Variants in CFAP61 observed in about 807,000 individuals in gnomAD.
CFAP61 encodes cilia and flagella associated protein 61, also known as cilia- and flagella-associated protein 61.
A neutral mutation model predicts 135.6 loss-of-function variants in CFAP61; 107 were observed. The ratio of observed to expected loss-of-function variants is 0.79; its 90% CI spans 0.67 to 0.93. The LOEUF (loss-of-function observed/expected upper bound fraction) is 0.93. CFAP61 is among the 40% of genes least tolerant of loss of function. The pLI, the probability that CFAP61 is intolerant of heterozygous loss-of-function variation, is 0.00. For synonymous variants in CFAP61, 575 were observed against 578.5 expected, an observed-to-expected ratio of 0.99 and a Z score of 0.09; for missense variants, 1,507 against 1,556.2, an observed-to-expected ratio of 0.97 and a Z score of 0.53.
At chr20:20,206,891 T>G (rs1448841887) in intron 17 of CFAP61, among the ~76,000 whole-genome samples, 1 of 152,168 alleles carries the variant, frequency 6.6e-6, no homozygotes, top group East Asian at 1.9e-4. Flanking sequence ...TATTTTGCAT[T>G]CTTTCATTCT....
chr20:20,313,430 G>A (rs1177537799), intron 25 of CFAP61, among the ~76,000 whole-genome samples: 1 of 152,140 alleles, frequency 6.6e-6, no homozygotes, highest in Non-Finnish European at 1.5e-5. Context: ...TTATATCCCC[G>A]CAATTCAGTA....
chr20:20,090,282 AG>A lies in CFAP61; in HGVS notation c.567-560del, dbSNP rs1310005039. ...TCAGCTCAGATGACCCTCCTCATAGAGGTCCTCCCTGACCACTTGACCCTCT... is the reference window on the plus strand; with the variant it reads ...TCAGCTCAGATGACCCTCCTCATAGAGTCCTCCCTGACCACTTGACCCTCT... On this transcript the variant is annotated intron_variant, in intron 6 of 26. Transcript: ENST00000245957. 2.0e-5 allele frequency among the ~76,000 whole-genome samples: 3 copies of A among 152,306 alleles called. No individual in the cohort carries two copies. The East Asian group carries it at 5.8e-4, about 29-fold the overall frequency.
chr20:20,108,256 A>G lies in CFAP61; in HGVS notation c.859+9442A>G, dbSNP rs536177651. 3.5e-4 allele frequency among the ~76,000 whole-genome samples: 53 copies of G among 152,340 alleles called. No individual in the cohort carries two copies. The South Asian group carries it at 0.011, about 32-fold the overall frequency. On this transcript the variant is annotated intron_variant, in intron 8 of 26. Transcript: ENST00000245957. ...TCATGGTTATCACAGAATGCATTAG[A>G]TGTTCATGTTCTTTGACTTCAACTA...
intron 25 of CFAP61, among the ~76,000 whole-genome samples, chr20:20,335,464 A>G (rs2058151954): frequency 6.6e-6 from 1 of 152,242 alleles, no homozygotes; most frequent in Admixed American, 6.5e-5. Flanking sequence ...CAAGAAAGCC[A>G]TATGGCCAAC....
chr20:20,083,496 A>G (rs1444676609), intron 6 of CFAP61, among the ~76,000 whole-genome samples: 2 of 152,230 alleles, frequency 1.3e-5, no homozygotes, highest in Non-Finnish European at 2.9e-5. Flanking sequence ...TATTGAAATT[A>G]AAAGAAATAA....
rs371882468 is a variant in CFAP61, at chr20:20,056,799, A to G, written c.143+3A>G. The G allele has an allele frequency of 1.4e-4, 229 of 1,613,484 alleles. No homozygotes were observed. Among genetic ancestry groups the G allele is most frequent in the Non-Finnish European group, 1.9e-4 (222 of 1,179,586 alleles). On this transcript the variant is annotated splice_donor_region_variant and intron_variant, in intron 2 of 26. Transcript: ENST00000245957. ...AAGCTAAATATCATCTATCTTCTGT[A>G]AGTAGATAACTAAGTTCAAGAATGT...
At chr20:20,219,441 A>G (rs566421994) in intron 17 of CFAP61, among the ~76,000 whole-genome samples, 4 of 152,290 alleles carry the variant, frequency 2.6e-5, no homozygotes, top group African/African-American at 9.6e-5. Flanking sequence ...ATTCCAGCCT[A>G]CTTCCAGGAT....
At position 20,196,272 on chromosome 20, in the gene CFAP61, G is replaced by A. The variant is rs574661976; in HGVS notation, c.1591-298G>A. ...AGTGTCACGGAGCTGCTGTCCTGCC[G>A]CTTGGCCAATGGCACAGACTCGGGG... On this transcript the variant is annotated intron_variant, in intron 15 of 26. Transcript: ENST00000245957. Among the ~76,000 whole-genome samples, 63 of 152,234 alleles carry A rather than the reference G, an allele frequency of 4.1e-4. No individual in the cohort carries two copies. In the East Asian group the frequency reaches 0.011, roughly 28 times the overall value.
chr20:20,254,460 T>C (rs1277439442), intron 20 of CFAP61, among the ~76,000 whole-genome samples: 1 of 151,948 alleles, frequency 6.6e-6, no homozygotes, highest in Non-Finnish European at 1.5e-5. Flanking sequence ...CATCTGCCCA[T>C]GTGTGCCCAG....
chr20:20,134,122 A>G (rs977781582), intron 8 of CFAP61, among the ~76,000 whole-genome samples: 1 of 152,210 alleles, frequency 6.6e-6, no homozygotes, highest in African/African-American at 2.4e-5. Flanking sequence ...CTTGAAGGAT[A>G]AAAGAGTGTG....
rs559770452 is a variant in CFAP61 at position 20,155,762 on chromosome 20, A to T, written c.952-3608A>T. 7.2e-5 allele frequency among the ~76,000 whole-genome samples: 11 copies of T among 152,278 alleles called. No homozygotes were observed. The South Asian group carries it at 2.3e-3, about 32-fold the overall frequency. On this transcript the variant is annotated intron_variant, in intron 9 of 26. Transcript: ENST00000245957. ...AAGAATGGCTATAATTTAAAAATAAAAAAACAACAGATCTTGGCTTGGATG... is the reference window on the plus strand; with the variant it reads ...AAGAATGGCTATAATTTAAAAATAATAAAACAACAGATCTTGGCTTGGATG...
chr20:20,052,781 A>G, intron 1 of CFAP61, 190 bp downstream of exon 1: 1 of 1,481,726 alleles, frequency 6.7e-7, no homozygotes, highest in African/African-American at 1.4e-5. Context: ...GGAAGAAGGG[A>G]GAGCGAGGAA....
chr20:20,102,954 A>G (rs1029422936), intron 8 of CFAP61, among the ~76,000 whole-genome samples: 5 of 152,086 alleles, frequency 3.3e-5, no homozygotes, highest in African/African-American at 4.8e-5. Flanking sequence ...TAATTAGCTT[A>G]CTGTCCTTCA....
At chr20:20,137,240 C>A (rs2051001500) in intron 8 of CFAP61, among the ~76,000 whole-genome samples, 1 of 152,162 alleles carries the variant, frequency 6.6e-6, no homozygotes, top group South Asian at 2.1e-4. Flanking sequence ...TTGCCCAAGG[C>A]CCACTGTAAC....
chr20:20,253,305 A>G (rs6046760), intron 20 of CFAP61: 47,069 of 160,448 alleles, frequency 0.29, 6,979 homozygotes, highest in African/African-American at 0.36. Flanking sequence ...GGATGAGTCT[A>G]TTCCTGTGCC....
intron 9 of CFAP61, among the ~76,000 whole-genome samples, chr20:20,158,785 G>T (rs999045298): frequency 1.2e-4 from 19 of 152,292 alleles, no homozygotes; most frequent in Admixed American, 3.9e-4. Context: ...ATGGAAGCTT[G>T]GGGGGCGATG....
chr20:20,236,309 C>T (rs894494195), intron 18 of CFAP61, among the ~76,000 whole-genome samples: 7 of 152,026 alleles, frequency 4.6e-5, no homozygotes, highest in Non-Finnish European at 1.0e-4. Flanking sequence ...TAATAGAATC[C>T]CCAGGTAATT....
At chr20:20,121,714 G>T (rs957168564) in intron 8 of CFAP61, among the ~76,000 whole-genome samples, 13 of 152,082 alleles carry the variant, frequency 8.5e-5, no homozygotes, top group Non-Finnish European at 1.6e-4. Context: ...TGCTGGTCTT[G>T]AACTTCTGGC....
chr20:20,191,788 G>A lies in CFAP61; in HGVS notation c.1590+369G>A, dbSNP rs543778202. On this transcript the variant is annotated intron_variant, in intron 15 of 26. Coordinates refer to ENST00000245957, the MANE Select transcript of CFAP61 (RefSeq NM_015585.4). The stretch of plus-strand genomic sequence containing the variant: ...TTCTTTGCACTTTATTACATATATC[G>A]TGTGTGTGTGTGTGTCAAATGGAAA... 6.1e-5 allele frequency among the ~76,000 whole-genome samples: 8 copies of A among 131,956 alleles called. No individual in the cohort carries two copies. The East Asian group carries it at 5.0e-3, about 82-fold the overall frequency. The allele number at this position is 131,956 out of a possible 152,430, so 86.6% of individuals were successfully genotyped here.
Sources: allele counts gnomAD v4.1 joint callset (sites outside exome capture counted in the v4.1 genomes callset), GRCh38; gene constraint gnomAD v4.1.1; transcripts MANE v1.5; gene names NCBI Gene and HGNC (gene_info 2026-07-23, HGNC 2026-07-21).